AKAP1: variants seen among roughly 807,000 people sequenced by gnomAD.
The protein encoded by AKAP1 is A-kinase anchoring protein 1.
In AKAP1, 32 loss-of-function variants were observed where a neutral mutation model predicts 79.8. The ratio of observed to expected loss-of-function variants is 0.40; its 90% CI spans 0.30 to 0.54. The LOEUF (loss-of-function observed/expected upper bound fraction) is 0.54. Among genes scored for constraint, AKAP1 ranks in the 20% least tolerant of loss-of-function variants. The probability of loss-of-function intolerance (pLI) is 0.47; values close to 1 mark genes in which losing one functional copy is unlikely to be tolerated. For synonymous variants in AKAP1, 416 were observed against 466.7 expected, an observed-to-expected ratio of 0.89 and a Z score of 1.40; for missense variants, 961 against 1,138.9, an observed-to-expected ratio of 0.84 and a Z score of 2.25.
intron 10 of AKAP1, among the ~76,000 whole-genome samples, chr17:57,119,440 A>G (rs1408718798): frequency 1.3e-5 from 2 of 152,178 alleles, no homozygotes; most frequent in Non-Finnish European, 2.9e-5. Flanking sequence ...CTGGCCAGGT[A>G]CAGTGGCTCA....
chr17:57,101,745 G>A (rs1170201929), intron 1 of AKAP1: 1 of 152,138 alleles, frequency 6.6e-6, no homozygotes, highest in Non-Finnish European at 1.5e-5. Context: ...GAAATCCCAA[G>A]GAAATCTACT....
intron 1 of AKAP1, among the ~76,000 whole-genome samples, chr17:57,090,462 G>T (rs1029751258): frequency 1.3e-5 from 2 of 149,830 alleles, no homozygotes; most frequent in African/African-American, 5.0e-5. Context: ...CTGGGCTGGG[G>T]CGTGCTCCCC....
rs1434885900 is a variant in AKAP1 at position 57,086,478 on chromosome 17, G to A, written c.-25+1080G>A. ...TCGGGATCTTCCTCTCCTGGGGGAT[G>A]TCCTGGGTGGCGGCGCCTTCCTGCC... On this transcript the variant is annotated intron_variant, in intron 1 of 10. Transcript: ENST00000337714. This position sits in a 1 kb window ranked among gnomAD's most constrained non-coding sequence, Gnocchi z 5.1. 2 of 453,766 alleles carry A rather than the reference G, an allele frequency of 4.4e-6. No homozygotes were observed. The highest frequency in any genetic ancestry group is 3.1e-5 in the South Asian group (2 of 64,298). The allele number at this position is 453,766 out of a possible 1,614,324, so 28.1% of individuals were successfully genotyped here. A position where few individuals can be genotyped will look rare whatever the true frequency, so the allele number is the denominator to read the frequency against.
In AKAP1 at chr17:57,111,900, A is replaced by G; in HGVS notation, c.1951A>G (p.Ser651Gly). Residue 651 changes from serine to glycine, a missense_variant, in exon 4 of 11, where the codon AGC (serine) becomes GGC (glycine). Around this residue, in one of 3 missense-constraint regions of AKAP1, gnomAD observed 629 missense variants for 781.1 expected, o/e 0.81. Transcript: ENST00000337714. ...CATTTCAACCCTGCCTTACACCCAG[A>G]GCGTCCAGATCTGCCACATAGAAGG... is the stretch of plus-strand genomic sequence containing the variant. ...IYISTLPYTQ[S>G]VQICHIEGSQ... is the part of the protein sequence containing the mutation. 6.2e-7 allele frequency: 1 copy of G among 1,614,062 alleles called. No individual in the cohort carries two copies. Among genetic ancestry groups the G allele is most frequent in the Non-Finnish European group, 8.5e-7 (1 of 1,179,994 alleles).
At chr17:57,112,084 T>C (rs1290288249) in intron 4 of AKAP1, among the ~76,000 whole-genome samples, 160 bp downstream of exon 4, 2 of 152,168 alleles carry the variant, frequency 1.3e-5, no homozygotes, top group Admixed American at 6.5e-5. Context: ...TTTCCCCATT[T>C]CAGGTGCCTG....
At chr17:57,110,356 T>C (rs957918660) in intron 3 of AKAP1, among the ~76,000 whole-genome samples, 198 bp downstream of exon 3, 3 of 152,140 alleles carry the variant, frequency 2.0e-5, no homozygotes, top group African/African-American at 7.2e-5. Context: ...ATGGAATTCC[T>C]CCAGCTGCCT....
At chr17:57,118,277 C>A in intron 8 of AKAP1, 104 bp from the exon 9 acceptor site, 1 of 1,055,662 alleles carries the variant, frequency 9.5e-7, no homozygotes, top group Non-Finnish European at 1.5e-6. Context: ...AGTTCCACAG[C>A]ATCTGAAGCA....
Position 57,085,260 on chromosome 17 carries a change from C to CT in AKAP1, c.-162dup, listed in dbSNP as rs1913371178. On this transcript the variant is annotated 5_prime_UTR_variant, in exon 1 of 11. An upstream open reading frame in the 5' UTR loses its in-frame stop. Transcript: ENST00000337714. ...CGCGCGTCTTCAGTATTTAATGTCT[C>CT]TGTGTTCCACCCGCCTGGGCTAGCA... is the stretch of plus-strand genomic sequence containing the variant. 1 of 150,880 alleles carries CT rather than the reference C, an allele frequency of 6.6e-6. No individual in the cohort carries two copies. The highest frequency in any genetic ancestry group is 6.6e-5 in the Admixed American group (1 of 15,158). 9.3% of individuals were successfully genotyped at this position (150,880 alleles called of 1,614,324 possible).
chr17:57,109,827 G>A (rs1915124653), intron 2 of AKAP1, among the ~76,000 whole-genome samples, 198 bp from the exon 3 acceptor site: 1 of 152,204 alleles, frequency 6.6e-6, no homozygotes, highest in Non-Finnish European at 1.5e-5. Context: ...CTAAAATTAG[G>A]TGTATCGACA....
intron 1 of AKAP1, chr17:57,101,744 AG>A (rs1397624945): frequency 2.0e-5 from 3 of 152,226 alleles, no homozygotes; most frequent in Non-Finnish European, 4.4e-5. Flanking sequence ...AGAAATCCCA[AG>A]GAAATCTACT....
At chr17:57,103,113 A>G (rs774004576) in intron 1 of AKAP1, among the ~76,000 whole-genome samples, 1 of 152,222 alleles carries the variant, frequency 6.6e-6, no homozygotes, top group Non-Finnish European at 1.5e-5. Context: ...AATGTGAAGC[A>G]AAACGGTAGC....
In AKAP1 at chr17:57,110,164, G is replaced by A. The variant is rs1444723887; in HGVS notation, c.1848+6G>A. ...GGGAGATCGAGGTGCCAAAGGTAGGGGCGGAGTCCCCCAGGCTGGTTCTGT... is the reference window on the plus strand; with the variant it reads ...GGGAGATCGAGGTGCCAAAGGTAGGAGCGGAGTCCCCCAGGCTGGTTCTGT... On this transcript the variant is annotated splice_donor_region_variant and intron_variant, in intron 3 of 10. Transcript: ENST00000337714. The A allele has an allele frequency of 6.2e-7, 1 of 1,613,658 alleles. No homozygotes were observed. Among genetic ancestry groups the A allele is most frequent in the Admixed American group, 1.7e-5 (1 of 60,008 alleles).
Position 57,114,787 on chromosome 17 carries a change from T to C in AKAP1, c.2281+151T>C, listed in dbSNP as rs1915479152. 6 of 905,404 alleles carry C rather than the reference T, an allele frequency of 6.6e-6. No individual in the cohort carries two copies. In the South Asian group the frequency reaches 7.0e-5, roughly 11 times the overall value. The allele number at this position is 905,404 out of a possible 1,614,324, so 56.1% of individuals were successfully genotyped here. On this transcript the variant is annotated intron_variant, in intron 6 of 10. Coordinates refer to ENST00000337714, the MANE Select transcript of AKAP1 (RefSeq NM_003488.4). ...TGTTATGGAGCTGGGGTGGGTTTCC[T>C]GGCAAGGCAGAGCTGGGGTTTCCAC...
chr17:57,102,207 G>A lies in AKAP1; in HGVS notation c.-24-3234G>A, dbSNP rs1914559543. Among the ~76,000 whole-genome samples, 3 of 152,278 alleles carry A rather than the reference G, an allele frequency of 2.0e-5. No homozygotes were observed. The South Asian group carries it at 6.2e-4, about 32-fold the overall frequency. ...TGTCTCTGCCTCTTTAAGTAGCTGGGATCACAGGTGCTTGGCTTTGTGGAT... is the reference window on the plus strand; with the variant it reads ...TGTCTCTGCCTCTTTAAGTAGCTGGAATCACAGGTGCTTGGCTTTGTGGAT... On this transcript the variant is annotated intron_variant, in intron 1 of 10. Coordinates refer to ENST00000337714, the MANE Select transcript of AKAP1 (RefSeq NM_003488.4).
intron 1 of AKAP1, among the ~76,000 whole-genome samples, chr17:57,104,132 G>A (rs898764089): frequency 6.6e-6 from 1 of 152,084 alleles, no homozygotes; most frequent in African/African-American, 2.4e-5. Flanking sequence ...GCTAATTTTT[G>A]TATTTTTAGT....
intron 1 of AKAP1, among the ~76,000 whole-genome samples, chr17:57,104,578 G>A (rs1287641849): frequency 2.6e-5 from 4 of 152,242 alleles, no homozygotes; most frequent in Non-Finnish European, 2.9e-5. Context: ...ACTCACAGTC[G>A]TCTACAGTGG....
Position 57,119,118 on chromosome 17 carries a change from T to G in AKAP1, c.2637+74T>G. On this transcript the variant is annotated intron_variant, in intron 10 of 10. Transcript: ENST00000337714. ...GATTGATTAGGAGCTGGTCCTGGGA[T>G]TTGTTTCCTCTTGAGTTAATCAGAG... 5 of 1,512,428 alleles carry G rather than the reference T, an allele frequency of 3.3e-6. 1 individual carries two copies. The South Asian group carries it at 5.6e-5, about 17-fold the overall frequency. 93.7% of individuals were successfully genotyped at this position (1,512,428 alleles called of 1,614,324 possible).
Position 57,116,893 on chromosome 17 carries a change from A to T in AKAP1, c.2466A>T (p.Ala822=), listed in dbSNP as rs1176268141. 1 of 1,614,214 alleles carries T rather than the reference A, an allele frequency of 6.2e-7. No homozygotes were observed. ...SDFVTLPFQG[A]EVLLDSVMPL... is the part of the protein sequence containing the mutation. ...TTGTCACCCTGCCGTTTCAGGGAGC[A>T]GAAGTCCTTCTGGACAGTGTGATGC... Residue 822 remains alanine, a synonymous_variant, in exon 8 of 11, where the codon GCA becomes GCT. Coordinates refer to ENST00000337714, the MANE Select transcript of AKAP1 (RefSeq NM_003488.4).
intron 1 of AKAP1, among the ~76,000 whole-genome samples, chr17:57,090,315 C>CA (rs1913705067): frequency 2.1e-5 from 1 of 48,396 alleles, no homozygotes; most frequent in Non-Finnish European, 5.1e-5. Context: ...ATATTAGTGG[C>CA]TTTTTTTTTT....
Sources: gnomAD v4.1 joint callset for allele counts (sites outside exome capture counted in the v4.1 genomes callset) on GRCh38, gnomAD v4.1.1 for gene constraint, gnomAD v4.1.1 regional missense constraint, Gnocchi (gnomAD v3.1) non-coding constraint, MANE v1.5 for transcripts, NCBI Gene and HGNC (gene_info 2026-07-23, HGNC 2026-07-21) for gene names.